Variants in FGFR3 observed in about 807,000 individuals in gnomAD.
FGFR3 encodes fibroblast growth factor receptor 3.
A neutral mutation model predicts 82.9 loss-of-function variants in FGFR3; 25 were observed. The ratio of observed to expected loss-of-function variants is 0.30; its 90% CI spans 0.22 to 0.42. FGFR3 has a LOEUF of 0.42. FGFR3 is among the 10% of genes least tolerant of loss of function. The pLI is 1.00. For synonymous variants in FGFR3, 620 were observed against 516.0 expected (o/e 1.20, Z -2.73); for missense variants, 1,026 against 1,161.0 (o/e 0.88, Z 1.69).
intron 16 of FGFR3, 39 bp from the exon 17 acceptor site, chr4:1,806,788 CGG>C: frequency 6.3e-7 from 1 of 1,588,770 alleles, no homozygotes; most frequent in South Asian, 1.1e-5. Context: ...CCGAATAAGG[CGG>C]GAAGCGGCGG....
At chr4:1,802,896 G>C (rs778937929) in intron 7 of FGFR3, 6 of 1,578,354 alleles carry the variant, frequency 3.8e-6, no homozygotes, top group Non-Finnish European at 4.3e-6. Flanking sequence ...GCCTGAGCCG[G>C]GTCTCTTGTC....
chr4:1,803,115 C>T (rs1721404435), intron 7 of FGFR3: 8 of 1,483,680 alleles, frequency 5.4e-6, no homozygotes, highest in Non-Finnish European at 7.2e-6. Flanking sequence ...GCTCCAAGGC[C>T]CTGGCCGCGC....
chr4:1,799,456 C>T lies in FGFR3; in HGVS notation c.312C>T (p.Ser104=), dbSNP rs377018654. 32 of 1,603,234 alleles carry T rather than the reference C, an allele frequency of 2.0e-5. No homozygotes were observed. Among genetic ancestry groups the T allele is most frequent in the African/African-American group, 1.1e-4 (8 of 74,650 alleles). ...LQVLNASHED[S]GAYSCRQRLT... is the part of the protein sequence containing the mutation. ...TGCTGAATGCCTCCCACGAGGACTC[C>T]GGGGCCTACAGCTGCCGGCAGCGGC... Residue 104 remains serine (S), a synonymous_variant, in exon 3 of 18, where the codon TCC becomes TCT. Coordinates refer to ENST00000440486, the MANE Select transcript of FGFR3 (RefSeq NM_000142.5).
At chr4:1,796,972 C>T (rs1471083436) in intron 2 of FGFR3, among the ~76,000 whole-genome samples, 1 of 152,100 alleles carries the variant, frequency 6.6e-6, no homozygotes, top group African/African-American at 2.4e-5. Context: ...GCATGTGGAG[C>T]CCAAGTTGAG....
chr4:1,805,571 A>C lies in FGFR3; in HGVS notation c.1547A>C (p.Asp516Ala), dbSNP rs772276122. 5.0e-6 allele frequency: 8 copies of C among 1,613,200 alleles called. No homozygotes were observed. Among genetic ancestry groups the C allele is most frequent in the Non-Finnish European group, 5.9e-6 (7 of 1,179,826 alleles). ...GCTCCGTGCACAGACGATGCCACTG[A>C]CAAGGACCTGTCGGACCTGGTGTCT... is the stretch of plus-strand genomic sequence containing the variant. ...AVKMLKDDATDKDLSDLVSEM... is the reference protein window; with the variant it reads ...AVKMLKDDATAKDLSDLVSEM... The change falls in exon 12 of 18, where the codon GAC becomes GCC. Residue 516 changes from aspartate (D) to alanine (A), a missense_variant. Coordinates refer to ENST00000440486, the MANE Select transcript of FGFR3 (RefSeq NM_000142.5).
Position 1,807,333 on chromosome 4 carries a change from C to T in FGFR3, c.*71C>T, listed in dbSNP as rs758559632. The T allele has an allele frequency of 2.3e-4, 350 of 1,533,914 alleles. No homozygotes were observed. The highest frequency in any genetic ancestry group is 4.1e-5 in the Non-Finnish European group (47 of 1,141,548). On this transcript the variant is annotated 3_prime_UTR_variant, in exon 18 of 18. Coordinates refer to ENST00000440486, the MANE Select transcript of FGFR3 (RefSeq NM_000142.5). ...CCTGCTGCTGGTGCACAGCCACTCCCCGGCATGAGACTCAGTGCAGATGGA... is the reference window on the plus strand; with the variant it reads ...CCTGCTGCTGGTGCACAGCCACTCCTCGGCATGAGACTCAGTGCAGATGGA...
In FGFR3 at chr4:1,805,568, C is replaced by G. The variant is rs1340047975; in HGVS notation, c.1544C>G (p.Thr515Ser). Residue 515 changes from threonine (T) to serine (S), a missense_variant, in exon 12 of 18, where the codon ACT becomes AGT. Transcript: ENST00000440486. ...CCCGCTCCGTGCACAGACGATGCCA[C>G]TGACAAGGACCTGTCGGACCTGGTG... ...VAVKMLKDDA[T>S]DKDLSDLVSE... The G allele has an allele frequency of 1.2e-6, 2 of 1,613,176 alleles. No homozygotes were observed. Among genetic ancestry groups the G allele is most frequent in the Admixed American group, 3.3e-5 (2 of 60,024 alleles).
Position 1,803,690 on chromosome 4 carries a change from AGAC to A in FGFR3, c.931_933del (p.Thr311del). On this transcript the variant is annotated splice_acceptor_variant and coding_sequence_variant, in exon 8 of 18. Coordinates refer to ENST00000440486, the MANE Select transcript of FGFR3 (RefSeq NM_000142.5). LOFTEE classifies it high-confidence loss of function. ...GCCTATCGCTCTGCTCTCTCTTTGT[AGAC>A]GGCGGGCGCTAACACCACCGACAAG... 1 of 1,613,424 alleles carries A rather than the reference AGAC, an allele frequency of 6.2e-7. No individual in the cohort carries two copies. The highest frequency in any genetic ancestry group is 8.5e-7 in the Non-Finnish European group (1 of 1,179,932).
rs754817667 is a variant in FGFR3 at position 1,803,046 on chromosome 4, G to C, written c.931-646G>C. ...GGCCGAGAAGGCCTTTTGGCTGAGC[G>C]TTCACGGGCCCCGAGCAGGTAACGA... On this transcript the variant is annotated intron_variant, in intron 7 of 17. Coordinates refer to ENST00000440486, the MANE Select transcript of FGFR3 (RefSeq NM_000142.5). 4 of 1,597,420 alleles carry C rather than the reference G, an allele frequency of 2.5e-6. No individual in the cohort carries two copies. The African/African-American group carries it at 4.0e-5, about 16-fold the overall frequency.
At chr4:1,803,111 A>C in intron 7 of FGFR3, 1 of 1,502,988 alleles carries the variant, frequency 6.7e-7, no homozygotes, top group South Asian at 1.3e-5. Context: ...TCCAGCTCCA[A>C]GGCCCTGGCC....
In FGFR3 at chr4:1,804,377, G is replaced by T. The variant is rs75790268; in HGVS notation, c.1123G>T (p.Gly375Cys). Reference sequence around the variant, plus strand: ...TGACGAGGCGGGCAGTGTGTATGCAGGCATCCTCAGCTACGGGGTGGGCTT... The same window carrying T: ...TGACGAGGCGGGCAGTGTGTATGCATGCATCCTCAGCTACGGGGTGGGCTT... Reference protein sequence around the residue: ...EADEAGSVYAGILSYGVGFFL... With the variant: ...EADEAGSVYACILSYGVGFFL... Residue 375 changes from glycine (G) to cysteine (C), a missense_variant, in exon 9 of 18, where the codon GGC (glycine) becomes TGC (cysteine). Coordinates refer to ENST00000440486, the MANE Select transcript of FGFR3 (RefSeq NM_000142.5). 1 of 1,612,978 alleles carries T rather than the reference G, an allele frequency of 6.2e-7. No homozygotes were observed.
At chr4:1,801,211 A>G (rs553508384) in intron 4 of FGFR3, among the ~76,000 whole-genome samples, 156 bp from the exon 5 acceptor site, 1 of 152,290 alleles carries the variant, frequency 6.6e-6, no homozygotes, top group African/African-American at 2.4e-5. Context: ...AGGGGACAAG[A>G]TGTGGAGGCT....
rs2108798409 is a variant in FGFR3 at position 1,804,515 on chromosome 4, C to T, written c.1261C>T (p.Arg421Ter). The change falls in exon 9 of 18, where the codon CGA becomes TGA. Residue 421 changes from arginine to a stop codon, truncating the protein, a stop_gained. Coordinates refer to ENST00000440486, the MANE Select transcript of FGFR3 (RefSeq NM_000142.5). LOFTEE classifies it high-confidence loss of function. The part of the protein sequence containing the change: ...VHKISRFPLK[R>*]QVSLESNASM... ...CAAGATCTCCCGCTTCCCGCTCAAG[C>T]GACAGGTAACAGAAAGTAGATACCA... is the stretch of plus-strand genomic sequence containing the variant. 1 of 1,612,360 alleles carries T rather than the reference C, an allele frequency of 6.2e-7. No homozygotes were observed. Among genetic ancestry groups the T allele is most frequent in the South Asian group, 1.1e-5 (1 of 91,082 alleles).
chr4:1,798,711 C>T (rs1462402132), intron 2 of FGFR3, among the ~76,000 whole-genome samples: 1 of 152,086 alleles, frequency 6.6e-6, no homozygotes, highest in African/African-American at 2.4e-5. Context: ...GGTGCGGGGG[C>T]TACTGAGGAC....
chr4:1,796,538 A>G (rs1386309761), intron 2 of FGFR3, among the ~76,000 whole-genome samples: 2 of 151,796 alleles, frequency 1.3e-5, no homozygotes, highest in African/African-American at 2.4e-5. Flanking sequence ...CCAAAACCCA[A>G]ATAAACCCCT....
rs1170183154 is a variant in FGFR3 at position 1,805,365 on chromosome 4, G to A, written c.1423G>A (p.Gly475Ser). ...WELSRARLTL[G>S]KPLGEGCFGQ... ...TGCCTCCACTGCCAGGCTGACCCTG[G>A]GCAAGCCCCTTGGGGAGGGCTGCTT... The change falls in exon 11 of 18, where the codon GGC becomes AGC. Residue 475 changes from glycine to serine, a missense_variant. Physicochemically the swap from Gly to Ser is moderately conservative, Grantham distance 56 (BLOSUM62 0). Transcript: ENST00000440486. The A allele has an allele frequency of 6.2e-7, 1 of 1,611,984 alleles. No homozygotes were observed. The highest frequency in any genetic ancestry group is 8.5e-7 in the Non-Finnish European group (1 of 1,179,872).
At chr4:1,800,322 T>C (rs1265660086) in intron 4 of FGFR3, among the ~76,000 whole-genome samples, 1 of 150,582 alleles carries the variant, frequency 6.6e-6, no homozygotes, top group Admixed American at 6.6e-5. Flanking sequence ...CGTCCCGGCC[T>C]GGAACGGTGG....
rs764892330 is a variant in FGFR3, at chr4:1,806,290, G to A, written c.1993G>A (p.Ala665Thr). 1.3e-6 allele frequency: 2 copies of A among 1,564,142 alleles called. No individual in the cohort carries two copies. The highest frequency in any genetic ancestry group is 1.7e-6 in the Non-Finnish European group (2 of 1,153,308). ...GCCCGTGAAGTGGATGGCGCCTGAG[G>A]CCTTGTTTGACCGAGTCTACACTCA... The part of the protein sequence containing the change: ...RLPVKWMAPE[A>T]LFDRVYTHQS... Residue 665 changes from alanine (A) to threonine (T), a missense_variant, in exon 15 of 18, where the codon GCC becomes ACC. Ala to Thr is a moderately conservative substitution (Grantham distance 58). Coordinates refer to ENST00000440486, the MANE Select transcript of FGFR3 (RefSeq NM_000142.5).
At position 1,804,891 on chromosome 4, in the gene FGFR3, CAG is replaced by C. The variant is rs1721686324; in HGVS notation, c.1335_1336del (p.Glu447GlyfsTer48). On this transcript the variant is annotated frameshift_variant, in exon 10 of 18. Coordinates refer to ENST00000440486, the MANE Select transcript of FGFR3 (RefSeq NM_000142.5). LOFTEE classifies it high-confidence loss of function. ...CTGGTGCGCATCGCAAGGCTGTCCTCAGGGGAGGGCCCCACGCTGGCCAATGT... is the reference window on the plus strand; with the variant it reads ...CTGGTGCGCATCGCAAGGCTGTCCTCGGGAGGGCCCCACGCTGGCCAATGT... 1.3e-6 allele frequency: 2 copies of C among 1,550,150 alleles called. No individual in the cohort carries two copies. Among genetic ancestry groups the C allele is most frequent in the Non-Finnish European group, 1.7e-6 (2 of 1,146,954 alleles).
Sources: allele counts gnomAD v4.1 joint callset (sites outside exome capture counted in the v4.1 genomes callset), GRCh38; gene constraint gnomAD v4.1.1; transcripts MANE v1.5; gene names NCBI Gene and HGNC (gene_info 2026-07-23, HGNC 2026-07-21).